Variants in MEI4 observed in about 807,000 individuals in gnomAD.
MEI4 encodes the protein meiotic double-stranded break formation protein 4.
Under a neutral mutation model 31.4 loss-of-function variants are expected in MEI4, and 27 were observed. The observed-to-expected ratio is 0.86, with a 90% CI of 0.63 to 1.19. MEI4 has a LOEUF of 1.19. Ranked by LOEUF, MEI4 falls within the 50% of genes most tolerant of loss-of-function variation. The pLI is 0.00. For missense variants in MEI4, 329 were observed against 398.9 expected (o/e 0.82, Z 1.49); for synonymous variants, 122 against 145.4 (o/e 0.84, Z 1.16).
chr6:77,665,907 C>G (rs1425156595), intron 1 of MEI4, among the ~76,000 whole-genome samples: 1 of 152,090 alleles, frequency 6.6e-6, no homozygotes. Context: ...GACCTGAGGT[C>G]GTAGGTGGAT....
rs573958440 is a variant in MEI4 at position 77,788,607 on chromosome 6, G to T, written c.768+26942G>T. On this transcript the variant is annotated intron_variant, in intron 3 of 4. Coordinates refer to ENST00000684080, the MANE Select transcript of MEI4 (RefSeq NM_001322247.2). ...AATCACAAGCATTCTTATACACCAA[G>T]AACAGACAAACAGAGAGCCGAATCA... Among the ~76,000 whole-genome samples, 33 of 151,728 alleles carry T rather than the reference G, an allele frequency of 2.2e-4. No homozygotes were observed. In the South Asian group the frequency reaches 3.1e-3, roughly 14 times the overall value.
upstream of MEI4, among the ~76,000 whole-genome samples, chr6:77,650,587 C>T (rs554007929): frequency 3.0e-3 from 461 of 152,308 alleles, no homozygotes; most frequent in African/African-American, 9.8e-3. Flanking sequence ...GTAGGCGGGG[C>T]GGGCCCTGCA....
At chr6:77,687,529 C>T (rs1477932014) in intron 1 of MEI4, among the ~76,000 whole-genome samples, 3 of 152,082 alleles carry the variant, frequency 2.0e-5, no homozygotes, top group Non-Finnish European at 4.4e-5. Context: ...GGTTTAAGGG[C>T]TCAGTTCCAT....
At chr6:77,678,135 ATT>A (rs745625275) in intron 1 of MEI4, among the ~76,000 whole-genome samples, 4 of 152,212 alleles carry the variant, frequency 2.6e-5, no homozygotes, top group Non-Finnish European at 4.4e-5. Context: ...GATGAAATAG[ATT>A]TATGCTATTA....
chr6:77,771,403 G>A (rs1582125384), intron 3 of MEI4, among the ~76,000 whole-genome samples: 1 of 151,942 alleles, frequency 6.6e-6, no homozygotes, highest in African/African-American at 2.4e-5. Context: ...AACTAAAAAG[G>A]AATTACTATT....
chr6:77,795,474 G>T (rs111701397), intron 3 of MEI4, among the ~76,000 whole-genome samples: 1 of 151,850 alleles, frequency 6.6e-6, no homozygotes, highest in East Asian at 1.9e-4. Flanking sequence ...ACACGCACAT[G>T]ACAATAGAAA....
chr6:77,741,743 A>G (rs1767409511), intron 2 of MEI4, among the ~76,000 whole-genome samples: 1 of 148,514 alleles, frequency 6.7e-6, no homozygotes, highest in Admixed American at 6.7e-5. Context: ...AGCATTAGGC[A>G]TATCTCCTAA....
intron 2 of MEI4, among the ~76,000 whole-genome samples, chr6:77,747,054 G>T (rs1487611415): frequency 6.6e-6 from 1 of 152,138 alleles, no homozygotes; most frequent in African/African-American, 2.4e-5. Context: ...GCTCATGTCT[G>T]TAATCCCAGT....
chr6:77,713,217 T>C (rs77288409), intron 2 of MEI4, among the ~76,000 whole-genome samples: 3,191 of 152,206 alleles, frequency 0.021, 137 homozygotes, highest in African/African-American at 0.073. Context: ...GGTTTGGATA[T>C]TGAGGAACTT....
chr6:77,809,814 A>C (rs1029305037), intron 3 of MEI4, among the ~76,000 whole-genome samples: 5 of 152,202 alleles, frequency 3.3e-5, no homozygotes, highest in African/African-American at 9.6e-5. Context: ...CAGATGAAAT[A>C]GAATATCTGA....
intron 3 of MEI4, among the ~76,000 whole-genome samples, chr6:77,817,170 G>C (rs1032964490): frequency 3.9e-5 from 6 of 152,014 alleles, no homozygotes; most frequent in African/African-American, 9.7e-5. Context: ...ATATATAATA[G>C]GTATTAAGGG....
At chr6:77,780,694 G>A (rs556108044) in intron 3 of MEI4, among the ~76,000 whole-genome samples, 1 of 152,118 alleles carries the variant, frequency 6.6e-6, no homozygotes, top group African/African-American at 2.4e-5. Flanking sequence ...CCCCATATTT[G>A]AAACTAAACT....
intron 4 of MEI4, among the ~76,000 whole-genome samples, chr6:77,835,627 G>T (rs1770202116): frequency 6.6e-6 from 1 of 151,866 alleles, no homozygotes. Context: ...ATTATGTGGG[G>T]TAATAGAATT....
chr6:77,883,745 A>ATCTAT (rs55947073), intron 4 of MEI4, among the ~76,000 whole-genome samples: 1 of 82,302 alleles, frequency 1.2e-5, no homozygotes, highest in African/African-American at 5.0e-5. Context: ...TATATATATA[A>ATCTAT]CTTTGTCTTT....
At chr6:77,878,611 A>G (rs1771401315) in intron 4 of MEI4, among the ~76,000 whole-genome samples, 1 of 150,680 alleles carries the variant, frequency 6.6e-6, no homozygotes, top group African/African-American at 2.4e-5. Context: ...ATTTCAAATG[A>G]CCTGTAGATA....
At chr6:77,737,552 A>T (rs569918820) in intron 2 of MEI4, among the ~76,000 whole-genome samples, 181 of 152,336 alleles carry the variant, frequency 1.2e-3, no homozygotes, top group Non-Finnish European at 2.2e-3. Context: ...TATTTAGAGA[A>T]TTACGACTGG....
At chr6:77,670,767 C>G (rs1768723764) in intron 1 of MEI4, among the ~76,000 whole-genome samples, 2 of 152,094 alleles carry the variant, frequency 1.3e-5, no homozygotes, top group South Asian at 4.1e-4. Context: ...CTTACCTTTT[C>G]TCTTCATCTT....
chr6:77,802,449 TG>T (rs1159304454), intron 3 of MEI4, among the ~76,000 whole-genome samples: 2 of 152,226 alleles, frequency 1.3e-5, no homozygotes, highest in Non-Finnish European at 2.9e-5. Flanking sequence ...GTCTTTTAAT[TG>T]GAGCATTTAG....
chr6:77,654,666 A>AT (rs977614261), intron 1 of MEI4, among the ~76,000 whole-genome samples: 1 of 151,144 alleles, frequency 6.6e-6, no homozygotes, highest in Non-Finnish European at 1.5e-5. Context: ...GAAATGCAAT[A>AT]TTTTTTCGTT....
Sources: gnomAD v4.1 joint callset for allele counts (sites outside exome capture counted in the v4.1 genomes callset) on GRCh38, gnomAD v4.1.1 for gene constraint, MANE v1.5 for transcripts, NCBI Gene and HGNC (gene_info 2026-07-23, HGNC 2026-07-21) for gene names.